OTOF: variants seen among roughly 807,000 people sequenced by gnomAD.
OTOF encodes the protein fer-1-like family member 2.
Under a neutral mutation model 236.8 loss-of-function variants are expected in OTOF, and 218 were observed. The observed-to-expected ratio is 0.92, with a 90% CI of 0.82 to 1.03. The LOEUF (loss-of-function observed/expected upper bound fraction) is 1.03. OTOF is among the 50% of genes least tolerant of loss of function. The pLI is 0.00. For synonymous variants in OTOF, 1,041 were observed against 1,072.5 expected, an observed-to-expected ratio of 0.97 and a Z score of 0.57; for missense variants, 2,590 against 2,694.4, an observed-to-expected ratio of 0.96 and a Z score of 0.86.
intron 33 of OTOF, 111 bp from the exon 34 acceptor site, chr2:26,467,612 C>T (rs1251943395): frequency 7.7e-7 from 1 of 1,304,752 alleles, no homozygotes; most frequent in Non-Finnish European, 1.1e-6. Context: ...TCTCGGATGT[C>T]CATGTGCTGT....
At chr2:26,538,899 C>T (rs575273656) in intron 1 of OTOF, among the ~76,000 whole-genome samples, 26 of 151,674 alleles carry the variant, frequency 1.7e-4, no homozygotes, top group African/African-American at 5.1e-4. Context: ...CTGCAACCTC[C>T]GCCTCCTGGG....
In OTOF at chr2:26,549,005, C is replaced by T. The variant is rs886085705; in HGVS notation, c.79+9488G>A. ...CTTTTCTTTTGGTATCTTTTTAAGG[C>T]AGAAACCTAGATTACAATTTTACAC... On this transcript the variant is annotated intron_variant, in intron 1 of 46. Transcript: ENST00000272371. 6.6e-5 allele frequency among the ~76,000 whole-genome samples: 10 copies of T among 152,126 alleles called. No homozygotes were observed. The South Asian group carries it at 2.1e-3, about 32-fold the overall frequency.
chr2:26,469,227 A>T (rs748095250), intron 32 of OTOF, among the ~76,000 whole-genome samples: 1 of 152,226 alleles, frequency 6.6e-6, no homozygotes, highest in Non-Finnish European at 1.5e-5. Flanking sequence ...ATCTTACTGG[A>T]AACGAGAATA....
At chr2:26,459,948 G>T in intron 46 of OTOF, 60 bp downstream of exon 46, 1 of 1,463,520 alleles carries the variant, frequency 6.8e-7, no homozygotes, top group Non-Finnish European at 9.3e-7. Flanking sequence ...GTGTATATGT[G>T]TGTGTGTGCA....
chr2:26,470,517 G>T lies in OTOF; in HGVS notation c.4023+76C>A. 2 of 1,430,796 alleles carry T rather than the reference G, an allele frequency of 1.4e-6. No homozygotes were observed. Among genetic ancestry groups the T allele is most frequent in the South Asian group, 1.1e-5 (1 of 87,416 alleles). The allele number at this position is 1,430,796 out of a possible 1,614,324, so 88.6% of individuals were successfully genotyped here. A position where few individuals can be genotyped will look rare whatever the true frequency, so the allele number is the denominator to read the frequency against. On this transcript the variant is annotated intron_variant, in intron 32 of 46. Transcript: ENST00000272371. The surrounding 1 kb of genome is among the most constrained non-coding windows in gnomAD (Gnocchi z 4.3). The stretch of plus-strand genomic sequence containing the variant: ...TGGAGTTGGGATCCAGCTCTTGGGG[G>T]CCGTGGGAAAGAAGCTGGACAGGAG...
chr2:26,475,891 A>T, intron 24 of OTOF, 23 bp downstream of exon 24: 1 of 1,588,486 alleles, frequency 6.3e-7, no homozygotes, highest in Non-Finnish European at 8.6e-7. Context: ...AGCCAGAGCC[A>T]CTCCCTCCTC....
chr2:26,463,521 A>G lies in OTOF; in HGVS notation c.5154T>C (p.Pro1718=), dbSNP rs937924515. The G allele has an allele frequency of 1.9e-6, 3 of 1,608,992 alleles. No homozygotes were observed. Among genetic ancestry groups the G allele is most frequent in the Non-Finnish European group, 1.7e-6 (2 of 1,178,124 alleles). Reference sequence around the variant, plus strand: ...GAGGTGAGATGTCCAGAGGCGTCCCAGGGGCTGGCATGTCCATGGGGAACA... The same window carrying G: ...GAGGTGAGATGTCCAGAGGCGTCCCGGGGGCTGGCATGTCCATGGGGAACA... The part of the protein sequence containing the change: ...VDMFPMDMPA[P]GTPLDISPRK... Residue 1718 remains proline (P), a synonymous_variant, in exon 41 of 47, where the codon CCT becomes CCC. Transcript: ENST00000272371.
intron 1 of OTOF, among the ~76,000 whole-genome samples, chr2:26,539,988 C>T (rs138121903): frequency 0.016 from 2,394 of 152,158 alleles, 63 homozygotes; most frequent in East Asian, 0.12. Flanking sequence ...GGCTGGAGTG[C>T]AGTAGTGTAA....
chr2:26,538,881 T>C (rs1424000063), intron 1 of OTOF, among the ~76,000 whole-genome samples: 4 of 150,876 alleles, frequency 2.7e-5, no homozygotes, highest in Non-Finnish European at 5.9e-5. Flanking sequence ...TGGCACGATC[T>C]CGGCTCACTG....
rs141119917 is a variant in OTOF, at chr2:26,460,954, G to A, written c.5610C>T (p.Thr1870=). 7.0e-5 allele frequency: 113 copies of A among 1,614,018 alleles called. No individual in the cohort carries two copies. The highest frequency in any genetic ancestry group is 1.7e-4 in the Admixed American group (10 of 60,016). ...TAKQCTMEMA[T]GEVDVPLVSI... ...ACACGAGGGGCACGTCCACCTCCCC[G>A]GTGGCCATCTCCATGGTGCACTGCT... Residue 1870 remains threonine, a synonymous_variant, in exon 44 of 47, where the codon ACC becomes ACT. Coordinates refer to ENST00000272371, the MANE Select transcript of OTOF (RefSeq NM_194248.3). The surrounding 1 kb of genome is among the most constrained non-coding windows in gnomAD (Gnocchi z 5.3).
chr2:26,486,336 G>A (rs1334134545), intron 11 of OTOF, among the ~76,000 whole-genome samples: 3 of 150,268 alleles, frequency 2.0e-5, no homozygotes, highest in South Asian at 2.1e-4. Context: ...ATTCACGGAT[G>A]GGTGGGTGGG....
At chr2:26,552,828 G>A (rs1053612620) in intron 1 of OTOF, among the ~76,000 whole-genome samples, 9 of 152,172 alleles carry the variant, frequency 5.9e-5, no homozygotes, top group African/African-American at 1.9e-4. Context: ...GCCAGCCACC[G>A]GCTGCCAAGG....
Position 26,466,816 on chromosome 2 carries a change from C to G in OTOF, c.4398G>C (p.Glu1466Asp). Residue 1466 changes from glutamate (E) to aspartate (D), a missense_variant, in exon 36 of 47, where the codon GAG (glutamate) becomes GAC (aspartate). Physicochemically the swap from Glu to Asp is conservative, Grantham distance 45. Transcript: ENST00000272371. ...SLCVYKVPLPEDVSREAGYDS... is the reference protein window; with the variant it reads ...SLCVYKVPLPDDVSREAGYDS... ...CGTAGCCGGCTTCCCGGGACACGTC[C>G]TCTGGGAGTGGCACTTTGTACACGC... is the stretch of plus-strand genomic sequence containing the variant. 1 of 1,614,226 alleles carries G rather than the reference C, an allele frequency of 6.2e-7. No individual in the cohort carries two copies. The highest frequency in any genetic ancestry group is 8.5e-7 in the Non-Finnish European group (1 of 1,180,048).
intron 18 of OTOF, 116 bp downstream of exon 18, chr2:26,479,148 G>A (rs1169216456): frequency 1.0e-5 from 14 of 1,355,854 alleles, no homozygotes; most frequent in Non-Finnish European, 1.4e-5. Flanking sequence ...AGGTCCTGCT[G>A]GGGCCGTTCC....
intron 38 of OTOF, among the ~76,000 whole-genome samples, chr2:26,465,269 C>T (rs972701010): frequency 3.3e-5 from 5 of 152,202 alleles, no homozygotes; most frequent in African/African-American, 1.2e-4. Flanking sequence ...TGCATCCCCT[C>T]ACTGTGCCCA....
intron 1 of OTOF, among the ~76,000 whole-genome samples, chr2:26,554,165 C>CAAAAAAA (rs34196608): frequency 1.3e-5 from 1 of 79,590 alleles, no homozygotes; most frequent in Non-Finnish European, 2.3e-5. Context: ...GAGCGAGACT[C>CAAAAAAA]AAAAAAAAAA....
chr2:26,480,174 C>T lies in OTOF; in HGVS notation c.1912+29G>A, dbSNP rs190749704. On this transcript the variant is annotated intron_variant, in intron 16 of 46. Coordinates refer to ENST00000272371, the MANE Select transcript of OTOF (RefSeq NM_194248.3). ...CCCGTGGGCCCAGCACTCACCTAGG[C>T]CCGAAGCCCCCGTGGGCCCAGCACT... 2.0e-4 allele frequency: 281 copies of T among 1,370,780 alleles called. 1 individual carries two copies. In the East Asian group the frequency reaches 3.6e-3, roughly 18 times the overall value. 84.9% of individuals were successfully genotyped at this position (1,370,780 alleles called of 1,614,324 possible).
intron 46 of OTOF, among the ~76,000 whole-genome samples, chr2:26,458,927 T>A (rs751594035): frequency 1.3e-5 from 2 of 152,218 alleles, no homozygotes; most frequent in Admixed American, 6.5e-5. Context: ...TGGTTTTGAA[T>A]GGTTTTCACA....
chr2:26,480,189 G>C lies in OTOF; in HGVS notation c.1912+14C>G. 1 of 1,541,282 alleles carries C rather than the reference G, an allele frequency of 6.5e-7. No homozygotes were observed. The highest frequency in any genetic ancestry group is 1.1e-5 in the South Asian group (1 of 89,660). ...CTCACCTAGGCCCGAAGCCCCCGTG[G>C]GCCCAGCACTCACCTATGGTGACCT... On this transcript the variant is annotated intron_variant, in intron 16 of 46. Transcript: ENST00000272371.
Sources: allele counts gnomAD v4.1 joint callset (sites outside exome capture counted in the v4.1 genomes callset), GRCh38; gene constraint gnomAD v4.1.1; non-coding constraint Gnocchi (gnomAD v3.1); transcripts MANE v1.5; gene names NCBI Gene and HGNC (gene_info 2026-07-23, HGNC 2026-07-21).